HDAC4: variants seen among roughly 807,000 people sequenced by gnomAD.
The protein encoded by HDAC4 is histone deacetylase 4.
In HDAC4, 16 loss-of-function variants were observed where a neutral mutation model predicts 135.1. The observed-to-expected ratio is 0.12, with a 90% CI of 0.08 to 0.18. HDAC4 has a LOEUF of 0.18. Among genes scored for constraint, HDAC4 ranks in the 10% least tolerant of loss-of-function variants. The pLI is 1.00. For synonymous variants in HDAC4, 685 were observed against 653.4 expected, an observed-to-expected ratio of 1.05 and a Z score of -0.74; for missense variants, 1,143 against 1,511.8, an observed-to-expected ratio of 0.76 and a Z score of 4.05.
At chr2:239,227,901 A>G (rs2047333781) in intron 3 of HDAC4, among the ~76,000 whole-genome samples, 1 of 152,216 alleles carries the variant, frequency 6.6e-6, no homozygotes, top group Admixed American at 6.5e-5. Flanking sequence ...TAGGTCTCCC[A>G]GCTGCTTCCA....
chr2:239,082,648 C>T (rs1172388598), intron 20 of HDAC4, among the ~76,000 whole-genome samples: 2 of 152,238 alleles, frequency 1.3e-5, no homozygotes, highest in Non-Finnish European at 2.9e-5. Context: ...GTGGCCTGCC[C>T]GCTTGCAGGC....
intron 3 of HDAC4, among the ~76,000 whole-genome samples, chr2:239,235,460 G>A (rs2047832429): frequency 6.6e-6 from 1 of 152,260 alleles, no homozygotes; most frequent in African/African-American, 2.4e-5. Context: ...TGTCAAGGAA[G>A]GTGCAGCAGA....
chr2:239,117,804 C>T (rs1357350026), intron 12 of HDAC4, among the ~76,000 whole-genome samples: 1 of 152,184 alleles, frequency 6.6e-6, no homozygotes, highest in African/African-American at 2.4e-5. Flanking sequence ...GTGGGACAAG[C>T]CGAGTTCCTG....
chr2:239,063,037 C>G (rs967524585), intron 24 of HDAC4, among the ~76,000 whole-genome samples: 1 of 152,138 alleles, frequency 6.6e-6, no homozygotes, highest in African/African-American at 2.4e-5. Flanking sequence ...CCTGCTGTCG[C>G]TCCTCCGGCT....
chr2:239,383,947 TG>T (rs1482468120), intron 1 of HDAC4, among the ~76,000 whole-genome samples: 1 of 152,184 alleles, frequency 6.6e-6, no homozygotes, highest in African/African-American at 2.4e-5. Context: ...GCAGGGCGGC[TG>T]GAAGAGCTGC....
chr2:239,149,474 A>G (rs2041972729), intron 7 of HDAC4, among the ~76,000 whole-genome samples: 1 of 152,194 alleles, frequency 6.6e-6, no homozygotes, highest in Admixed American at 6.5e-5. Flanking sequence ...CATTGCAAAC[A>G]ACATATAAAC....
chr2:239,053,881 C>A, intron 25 of HDAC4, among the ~76,000 whole-genome samples: 1 of 152,088 alleles, frequency 6.6e-6, no homozygotes, highest in East Asian at 1.9e-4. Flanking sequence ...GTAGGCCTGG[C>A]TTTCCACGCT....
Position 239,068,737 on chromosome 2 carries a change from C to A in HDAC4, c.2751-130G>T. 1 of 793,492 alleles carries A rather than the reference C, an allele frequency of 1.3e-6. No individual in the cohort carries two copies. Among genetic ancestry groups the A allele is most frequent in the Non-Finnish European group, 2.2e-6 (1 of 447,078 alleles). 49.2% of individuals were successfully genotyped at this position (793,492 alleles called of 1,614,324 possible). A position where few individuals can be genotyped will look rare whatever the true frequency, so the allele number is the denominator to read the frequency against. On this transcript the variant is annotated intron_variant, in intron 22 of 26. Coordinates refer to ENST00000543185, the MANE Select transcript of HDAC4 (RefSeq NM_001378414.1). The surrounding 1 kb of genome is among the most constrained non-coding windows in gnomAD (Gnocchi z 4.4). ...CCCTCGGCCACTGGCGGGCTGAGGG[C>A]TCCACACAGCAGGCTGGAATCTGGC...
intron 2 of HDAC4, among the ~76,000 whole-genome samples, chr2:239,322,936 T>C (rs1321594450): frequency 6.6e-6 from 1 of 152,108 alleles, no homozygotes. Context: ...CTGCGGGGTG[T>C]GTGGAGGCAT....
chr2:239,117,817 AGAG>A (rs1469771848), intron 12 of HDAC4, among the ~76,000 whole-genome samples: 1 of 152,156 alleles, frequency 6.6e-6, no homozygotes, highest in East Asian at 1.9e-4. Context: ...AGTTCCTGGC[AGAG>A]AGAGGAGCTA....
intron 2 of HDAC4, among the ~76,000 whole-genome samples, chr2:239,293,252 TTCTCTACTCGG>T (rs1400719899): frequency 6.6e-6 from 1 of 152,238 alleles, no homozygotes; most frequent in Non-Finnish European, 1.5e-5. Context: ...CCCAGCTGGC[TTCTCTACTCGG>T]GAGCTTCCCA....
chr2:239,063,900 T>C (rs1379141385), intron 24 of HDAC4, among the ~76,000 whole-genome samples: 1 of 152,170 alleles, frequency 6.6e-6, no homozygotes, highest in Non-Finnish European at 1.5e-5. Flanking sequence ...ATGGGCCCCA[T>C]GGCAGCCTTT....
chr2:239,393,785 G>C (rs1002848436), intron 1 of HDAC4, among the ~76,000 whole-genome samples: 3 of 152,134 alleles, frequency 2.0e-5, no homozygotes, highest in African/African-American at 7.2e-5. Flanking sequence ...GTGGGCAGAG[G>C]CCAGTTTTCC....
intron 1 of HDAC4, among the ~76,000 whole-genome samples, chr2:239,392,281 C>T (rs889003608): frequency 2.6e-5 from 4 of 152,374 alleles, no homozygotes; most frequent in Middle Eastern, 6.8e-3. Flanking sequence ...AAGACACAGG[C>T]ACCCCAGTGA....
chr2:239,271,394 G>T, intron 2 of HDAC4, among the ~76,000 whole-genome samples: 1 of 152,224 alleles, frequency 6.6e-6, no homozygotes, highest in East Asian at 1.9e-4. Context: ...CCAAAGTGTT[G>T]GGATTACAGG....
chr2:239,053,225 C>A, intron 26 of HDAC4, 89 bp from the exon 27 acceptor site: 1 of 1,513,290 alleles, frequency 6.6e-7, no homozygotes. Flanking sequence ...AGGCTGTGTG[C>A]TGCCCCACCC....
At chr2:239,107,898 G>A (rs2038301152) in intron 15 of HDAC4, 152 bp downstream of exon 15, 4 of 955,048 alleles carry the variant, frequency 4.2e-6, no homozygotes, top group Admixed American at 2.0e-5. Context: ...CCGCCCAAAT[G>A]CAGACAGTGA....
rs183773958 is a variant in HDAC4, at chr2:239,311,781, T to C, written c.22+40897A>G. 2.2e-4 allele frequency among the ~76,000 whole-genome samples: 33 copies of C among 152,284 alleles called. 1 individual carries two copies. The highest frequency in any genetic ancestry group is 6.8e-3 in the Middle Eastern group (2 of 294). ...TTAATGGCAGGTGTTACAATGATCATGGAACAGTGATGGGGCGGTGCTTCC... is the reference window on the plus strand; with the variant it reads ...TTAATGGCAGGTGTTACAATGATCACGGAACAGTGATGGGGCGGTGCTTCC... On this transcript the variant is annotated intron_variant, in intron 2 of 26. Coordinates refer to ENST00000543185, the MANE Select transcript of HDAC4 (RefSeq NM_001378414.1).
intron 11 of HDAC4, 108 bp downstream of exon 11, chr2:239,134,137 G>A (rs1250059104): frequency 4.0e-5 from 33 of 822,180 alleles, no homozygotes; most frequent in Non-Finnish European, 5.9e-5. Flanking sequence ...CTGTGGGGGT[G>A]GGACAGGCGT....
Sources: gnomAD v4.1 joint callset for allele counts (sites outside exome capture counted in the v4.1 genomes callset) on GRCh38, gnomAD v4.1.1 for gene constraint, Gnocchi (gnomAD v3.1) non-coding constraint, MANE v1.5 for transcripts, NCBI Gene and HGNC (gene_info 2026-07-23, HGNC 2026-07-21) for gene names.